The following MARS1 variants were observed in gnomAD, a reference collection of about 807,000 sequenced individuals.
MARS1 encodes the protein methionyl-tRNA synthetase 1.
In MARS1, 80 loss-of-function variants were observed where a neutral mutation model predicts 119.5. The ratio of observed to expected loss-of-function variants is 0.67; its 90% CI spans 0.56 to 0.81. The LOEUF is 0.81. Ranked by LOEUF, MARS1 falls within the 30% of genes least tolerant of loss-of-function variation. The pLI, the probability that MARS1 is intolerant of heterozygous loss-of-function variation, is 0.00. For synonymous variants in MARS1, 418 were observed against 433.4 expected (o/e 0.96, Z 0.44); for missense variants, 945 against 1,116.5 (o/e 0.85, Z 2.19).
At chr12:57,510,685 C>A (rs888037431) in intron 11 of MARS1, among the ~76,000 whole-genome samples, 1 of 149,668 alleles carries the variant, frequency 6.7e-6, no homozygotes, top group African/African-American at 2.5e-5. Context: ...AATTCCAGCA[C>A]TTTGGGAGGC....
At chr12:57,493,603 A>T (rs1454366955) in intron 7 of MARS1, among the ~76,000 whole-genome samples, 1 of 9,836 alleles carries the variant, frequency 1.0e-4, no homozygotes, top group Non-Finnish European at 1.6e-4. Flanking sequence ...ATAATATATA[A>T]TATATAATAT....
Position 57,516,538 on chromosome 12 carries a change from AG to A in MARS1, c.2664del (p.Lys889AsnfsTer25). ...CTAAAGAAACAGTTGGCTGTAGCTGAGGGGAAACCCCCTGAAGCCCCTAAAG... is the reference window on the plus strand; with the variant it reads ...CTAAAGAAACAGTTGGCTGTAGCTGAGGGAAACCCCCTGAAGCCCCTAAAG... ...LDLKKQLAVAEGKPPEAPKGK... is the reference protein window; with the variant it reads ...LDLKKQLAVAXGKPPEAPKGK... On this transcript the variant is annotated frameshift_variant, in exon 21 of 21. Transcript: ENST00000262027. LOFTEE classifies it high-confidence loss of function. 6.2e-7 allele frequency: 1 copy of A among 1,609,138 alleles called. No homozygotes were observed. Among genetic ancestry groups the A allele is most frequent in the Non-Finnish European group, 8.5e-7 (1 of 1,178,642 alleles).
chr12:57,512,395 A>G, intron 14 of MARS1, 42 bp downstream of exon 14: 1 of 1,379,572 alleles, frequency 7.2e-7, no homozygotes, highest in Non-Finnish European at 1.0e-6. Flanking sequence ...TTCATAGGAA[A>G]TGAGGGGTGA....
At position 57,516,295 on chromosome 12, in the gene MARS1, G is replaced by A. The variant is rs1390874158; in HGVS notation, c.2514G>A (p.Lys838=). The A allele has an allele frequency of 6.2e-7, 1 of 1,614,216 alleles. No individual in the cohort carries two copies. Among genetic ancestry groups the A allele is most frequent in the Admixed American group, 1.7e-5 (1 of 60,014 alleles). The part of the protein sequence containing the change: ...PAVVETVTTA[K]PQQIQALMDE... ...TTGTAGAGACTGTTACAACAGCCAA[G>A]CCACAGCAGATACAAGCGCTGATGG... Residue 838 remains lysine, a synonymous_variant, in exon 20 of 21, where the codon AAG becomes AAA. Transcript: ENST00000262027.
At chr12:57,503,795 C>T (rs1877050811) in intron 10 of MARS1, among the ~76,000 whole-genome samples, 3 of 152,132 alleles carry the variant, frequency 2.0e-5, no homozygotes, top group African/African-American at 7.2e-5. Flanking sequence ...CTGCCTCGGC[C>T]TCCCAAAATG....
chr12:57,490,611 GTT>G lies in MARS1; in HGVS notation c.739_740del (p.Leu247AlafsTer66). The G allele has an allele frequency of 6.2e-7, 1 of 1,614,062 alleles. No individual in the cohort carries two copies. Reference sequence around the variant, plus strand: ...ACTGCTTGGGAGAAGGGCCTAGAAAGTTTGCCCCCGCTGCGGCCCCAGCAGAA... The same window carrying G: ...ACTGCTTGGGAGAAGGGCCTAGAAAGTGCCCCCGCTGCGGCCCCAGCAGAA... On this transcript the variant is annotated frameshift_variant, in exon 7 of 21. Coordinates refer to ENST00000262027, the MANE Select transcript of MARS1 (RefSeq NM_004990.4). LOFTEE classifies it high-confidence loss of function.
In MARS1 at chr12:57,516,607, T is replaced by C. The variant is rs1272402852; in HGVS notation, c.*26T>C. ...AAGACCTTGGCTCATAGAAAGTCAC[T>C]TTAATAGATAGGGACAGTAATAAAT... On this transcript the variant is annotated 3_prime_UTR_variant, in exon 21 of 21. Coordinates refer to ENST00000262027, the MANE Select transcript of MARS1 (RefSeq NM_004990.4). 2.6e-6 allele frequency: 4 copies of C among 1,553,732 alleles called. No homozygotes were observed. The African/African-American group carries it at 4.2e-5, about 16-fold the overall frequency.
At position 57,500,278 on chromosome 12, in the gene MARS1, G is replaced by A. The variant is rs114609270; in HGVS notation, c.1092-43G>A. On this transcript the variant is annotated intron_variant, in intron 9 of 20. Transcript: ENST00000262027. Reference sequence around the variant, plus strand: ...GTGGCAGGAGGAAGGGGTCCACCACGTCTTCTGACTGTCTCTTCCTGATCC... The same window carrying A: ...GTGGCAGGAGGAAGGGGTCCACCACATCTTCTGACTGTCTCTTCCTGATCC... The A allele has an allele frequency of 1.1e-4, 178 of 1,560,932 alleles. 1 individual carries two copies. In the African/African-American group the frequency reaches 2.1e-3, roughly 18 times the overall value.
chr12:57,515,990 A>G lies in MARS1; in HGVS notation c.2462A>G (p.Gln821Arg). Reference sequence around the variant, plus strand: ...TTAAGGCAGCGCTTTGGAGGGGGCCAGGTGAGAAAGCTAAAGGCTGTGCCC... The same window carrying G: ...TTAAGGCAGCGCTTTGGAGGGGGCCGGGTGAGAAAGCTAAAGGCTGTGCCC... ...ESLRQRFGGG[Q>R]AKTSPKPAVV... The change falls in exon 19 of 21, where the codon CAG becomes CGG. Residue 821 changes from glutamine (Q) to arginine (R), a missense_variant and splice_region_variant. Transcript: ENST00000262027. The G allele has an allele frequency of 1.9e-6, 3 of 1,614,204 alleles. No individual in the cohort carries two copies. The highest frequency in any genetic ancestry group is 2.5e-6 in the Non-Finnish European group (3 of 1,180,008).
intron 11 of MARS1, among the ~76,000 whole-genome samples, chr12:57,508,661 G>T (rs370333370): frequency 4.8e-5 from 7 of 144,954 alleles, no homozygotes; most frequent in Non-Finnish European, 7.9e-5. Flanking sequence ...GAAAGAGAGG[G>T]AGAGGGAGAC....
In MARS1 at chr12:57,488,496, C is replaced by T. The variant is rs1010410535; in HGVS notation, c.109+297C>T. The T allele has an allele frequency of 5.7e-6, 8 of 1,405,146 alleles. No homozygotes were observed. In the African/African-American group the frequency reaches 8.6e-5, roughly 15 times the overall value. The allele number at this position is 1,405,146 out of a possible 1,614,324, so 87.0% of individuals were successfully genotyped here. A position where few individuals can be genotyped will look rare whatever the true frequency, so the allele number is the denominator to read the frequency against. ...CTTCCCAACCTTCTCCTACACCTAT[C>T]AGGCATCCCCCTCTGCTCTTTAGTT... On this transcript the variant is annotated intron_variant, in intron 1 of 20. Transcript: ENST00000262027.
chr12:57,499,961 T>G (rs922387046), intron 9 of MARS1, among the ~76,000 whole-genome samples: 1 of 152,240 alleles, frequency 6.6e-6, no homozygotes, highest in Non-Finnish European at 1.5e-5. Flanking sequence ...GATAGTGCTA[T>G]GCAGTTTAGT....
intron 7 of MARS1, among the ~76,000 whole-genome samples, chr12:57,497,181 C>G (rs886303911): frequency 1.3e-5 from 2 of 152,108 alleles, no homozygotes; most frequent in African/African-American, 4.8e-5. Flanking sequence ...GGAAGGTTTT[C>G]TTGGAGGAGG....
intron 10 of MARS1, among the ~76,000 whole-genome samples, chr12:57,503,589 G>T (rs1362546317): frequency 6.6e-6 from 1 of 150,672 alleles, no homozygotes; most frequent in Non-Finnish European, 1.5e-5. Flanking sequence ...TCTGTCAGCA[G>T]CCTGGCGTGC....
intron 7 of MARS1, among the ~76,000 whole-genome samples, chr12:57,497,121 A>G (rs773828694): frequency 6.6e-6 from 1 of 152,206 alleles, no homozygotes; most frequent in Non-Finnish European, 1.5e-5. Context: ...CAAAGTGGTT[A>G]GGGGGTTGGG....
At chr12:57,501,931 G>A (rs551952644) in intron 10 of MARS1, among the ~76,000 whole-genome samples, 1 of 151,968 alleles carries the variant, frequency 6.6e-6, no homozygotes, top group Non-Finnish European at 1.5e-5. Context: ...GGAAGCGGAG[G>A]TTGCAGTGAG....
rs1310101636 is a variant in MARS1 at position 57,488,148 on chromosome 12, G to A, written c.58G>A (p.Gly20Arg). 1.2e-6 allele frequency: 2 copies of A among 1,614,050 alleles called. No homozygotes were observed. Among genetic ancestry groups the A allele is most frequent in the African/African-American group, 2.7e-5 (2 of 74,934 alleles). The change falls in exon 1 of 21, where the codon GGG (glycine) becomes AGG (arginine). Residue 20 changes from glycine (G) to arginine (R), a missense_variant. Gly to Arg is a moderately radical substitution (Grantham distance 125, BLOSUM62 -2). Coordinates refer to ENST00000262027, the MANE Select transcript of MARS1 (RefSeq NM_004990.4). ...PGCLPVLAAA[G>R]RARGRAEVLI... The stretch of plus-strand genomic sequence containing the variant: ...TTGCTTGCCGGTGCTGGCCGCCGCC[G>A]GGAGAGCCCGGGGCAGAGCAGAGGT...
In MARS1 at chr12:57,500,397, G is replaced by A. The variant is rs1876865449; in HGVS notation, c.1168G>A (p.Glu390Lys). The A allele has an allele frequency of 6.2e-7, 1 of 1,614,074 alleles. No homozygotes were observed. The highest frequency in any genetic ancestry group is 8.5e-7 in the Non-Finnish European group (1 of 1,180,030). The change falls in exon 10 of 21, where the codon GAG (glutamate) becomes AAG (lysine). Residue 390 changes from glutamate to lysine, a missense_variant. Physicochemically the swap from Glu to Lys is moderately conservative, Grantham distance 56. Coordinates refer to ENST00000262027, the MANE Select transcript of MARS1 (RefSeq NM_004990.4). ...LQDTVEQLRC[E>K]HCARFLADRF... ...AGATACTGTGGAGCAACTGCGATGT[G>A]AGCACTGTGCTCGCTTCCTGGCTGA...
chr12:57,505,298 G>A (rs1351887432), intron 11 of MARS1, among the ~76,000 whole-genome samples: 4 of 151,432 alleles, frequency 2.6e-5, no homozygotes, highest in African/African-American at 9.7e-5. Flanking sequence ...AGTAGCTGGG[G>A]TTACAGGTGC....
Sources: allele counts gnomAD v4.1 joint callset (sites outside exome capture counted in the v4.1 genomes callset), GRCh38; gene constraint gnomAD v4.1.1; transcripts MANE v1.5; gene names NCBI Gene and HGNC (gene_info 2026-07-23, HGNC 2026-07-21).